RESF1: variants seen among roughly 807,000 people sequenced by gnomAD.
The protein encoded by RESF1 is gonad expressed transcript.
In RESF1, 65 loss-of-function variants were observed where a neutral mutation model predicts 134.7. That is an observed-to-expected ratio of 0.48 (90% CI 0.40 to 0.59). The LOEUF (loss-of-function observed/expected upper bound fraction) is 0.59. Ranked by LOEUF, RESF1 falls within the 20% of genes least tolerant of loss-of-function variation. The pLI, the probability that RESF1 is intolerant of heterozygous loss-of-function variation, is 0.00. For synonymous variants in RESF1, 762 were observed against 702.2 expected, an observed-to-expected ratio of 1.09 and a Z score of -1.35; for missense variants, 2,274 against 2,002.7, an observed-to-expected ratio of 1.14 and a Z score of -2.59.
intron 5 of RESF1, among the ~76,000 whole-genome samples, chr12:31,989,792 C>T (rs1220317975): frequency 6.6e-6 from 1 of 152,046 alleles, no homozygotes; most frequent in Non-Finnish European, 1.5e-5. Flanking sequence ...GCGGAGGTTC[C>T]AGTGAGCTGA....
rs749100105 is a variant in RESF1 at position 31,981,946 on chromosome 12, G to A, written c.991G>A (p.Val331Ile). 14 of 1,614,074 alleles carry A rather than the reference G, an allele frequency of 8.7e-6. No individual in the cohort carries two copies. The Admixed American group carries it at 2.2e-4, about 25-fold the overall frequency. Residue 331 changes from valine (V) to isoleucine (I), a missense_variant, in exon 4 of 6, where the codon GTC becomes ATC. Transcript: ENST00000312561. ...GCAGTGGCAAAACCCTAATGAAAATGTCAGCACAATTGGAAATTTCACTAA... is the reference window on the plus strand; with the variant it reads ...GCAGTGGCAAAACCCTAATGAAAATATCAGCACAATTGGAAATTTCACTAA... Reference protein sequence around the residue: ...QQQWQNPNENVSTIGNFTNLK... With the variant: ...QQQWQNPNENISTIGNFTNLK...
Position 31,967,908 on chromosome 12 carries a change from G to A in RESF1, c.-246-2281G>A, listed in dbSNP as rs142744308. On this transcript the variant is annotated intron_variant, in intron 2 of 5. Transcript: ENST00000312561. ...TTGTATTGTGGTCCAGGACCATCTG[G>A]GCTTAGAAAAATGGATTCTAGAAAG... Among the ~76,000 whole-genome samples the A allele has an allele frequency of 1.8e-3, 269 of 152,196 alleles. 1 individual carries two copies. In the East Asian group the frequency reaches 0.033, roughly 18 times the overall value.
rs544563907 is a variant in RESF1 at position 31,982,315 on chromosome 12, G to A, written c.1360G>A (p.Gly454Arg). 6.2e-7 allele frequency: 1 copy of A among 1,614,060 alleles called. No homozygotes were observed. Among genetic ancestry groups the A allele is most frequent in the African/African-American group, 1.3e-5 (1 of 75,018 alleles). ...AAAACAAACTGCCAAAATCCAGTCT[G>A]GACCCCAGATAACTCCAGTAATGCC... Reference protein sequence around the residue: ...SLKQTAKIQSGPQITPVMPEN... With the variant: ...SLKQTAKIQSRPQITPVMPEN... The change falls in exon 4 of 6, where the codon GGA (glycine) becomes AGA (arginine). Residue 454 changes from glycine to arginine, a missense_variant. By Grantham distance (125) the Gly-to-Arg change is moderately radical (BLOSUM62 -2). Transcript: ENST00000312561.
intron 3 of RESF1, among the ~76,000 whole-genome samples, chr12:31,970,986 C>G (rs758258258): frequency 3.3e-5 from 5 of 152,178 alleles, no homozygotes; most frequent in Non-Finnish European, 7.3e-5. Context: ...AAACCTTTAT[C>G]AGATTATTTC....
At chr12:31,966,659 T>C (rs1939403396) in intron 2 of RESF1, among the ~76,000 whole-genome samples, 1 of 152,248 alleles carries the variant, frequency 6.6e-6, no homozygotes, top group South Asian at 2.1e-4. Context: ...CTGGTGAAGC[T>C]TGGTAGTTGG....
chr12:31,984,850 T>C lies in RESF1; in HGVS notation c.3895T>C (p.Phe1299Leu). ...AAATCACAAAAGAAAAAAATTGAGGTTTCACGAGGTAACCTTTCACTCCAG... is the reference window on the plus strand; with the variant it reads ...AAATCACAAAAGAAAAAAATTGAGGCTTCACGAGGTAACCTTTCACTCCAG... Reference protein sequence around the residue: ...LQNHKRKKLRFHEVTFHSSNK... With the variant: ...LQNHKRKKLRLHEVTFHSSNK... The change falls in exon 4 of 6, where the codon TTT becomes CTT. Residue 1299 changes from phenylalanine (F) to leucine (L), a missense_variant. Coordinates refer to ENST00000312561, the MANE Select transcript of RESF1 (RefSeq NM_018169.4). The C allele has an allele frequency of 1.2e-6, 2 of 1,602,598 alleles. No homozygotes were observed. Among genetic ancestry groups the C allele is most frequent in the South Asian group, 1.1e-5 (1 of 88,040 alleles).
intron 3 of RESF1, among the ~76,000 whole-genome samples, chr12:31,978,974 G>T (rs1434047611): frequency 1.4e-5 from 2 of 147,208 alleles, no homozygotes; most frequent in African/African-American, 2.5e-5. Flanking sequence ...AGGCTGGAGT[G>T]CAGTGGCGCC....
intron 3 of RESF1, among the ~76,000 whole-genome samples, chr12:31,973,348 G>C (rs1939556871): frequency 6.6e-6 from 1 of 151,026 alleles, no homozygotes; most frequent in Non-Finnish European, 1.5e-5. Context: ...ACTCTCTGTT[G>C]CCCAGGCTGG....
rs1037943446 is a variant in RESF1, at chr12:31,986,748, G to A, written c.5003-491G>A. 6.6e-5 allele frequency among the ~76,000 whole-genome samples: 10 copies of A among 152,054 alleles called. No individual in the cohort carries two copies. In the South Asian group the frequency reaches 1.4e-3, roughly 22 times the overall value. On this transcript the variant is annotated intron_variant, in intron 4 of 5. Transcript: ENST00000312561. The stretch of plus-strand genomic sequence containing the variant: ...GATTGGAAAACTAAAGGATTTGAAT[G>A]GAAATTGAAGTCTTTGCTCTGCTTT...
Position 31,981,552 on chromosome 12 carries a change from A to G in RESF1, c.597A>G (p.Gln199=). Residue 199 remains glutamine, a synonymous_variant, in exon 4 of 6, where the codon CAA becomes CAG. Transcript: ENST00000312561. ...CAGAGCAACAGGTTGATTGGACACAACAGTGTATATCTAAGGGACTGACTT... is the reference window on the plus strand; with the variant it reads ...CAGAGCAACAGGTTGATTGGACACAGCAGTGTATATCTAAGGGACTGACTT... The part of the protein sequence containing the change: ...SFSEQQVDWT[Q]QCISKGLTYP... 6.2e-7 allele frequency: 1 copy of G among 1,614,124 alleles called. No individual in the cohort carries two copies. The highest frequency in any genetic ancestry group is 8.5e-7 in the Non-Finnish European group (1 of 1,179,960).
At chr12:31,992,331 C>T in intron 5 of RESF1, 47 bp from the exon 6 acceptor site, 1 of 1,479,964 alleles carries the variant, frequency 6.8e-7, no homozygotes, top group Non-Finnish European at 9.3e-7. Context: ...ATATTGATCA[C>T]AGCTAACATT....
At chr12:31,977,801 C>CTT (rs3075963) in intron 3 of RESF1, among the ~76,000 whole-genome samples, 9,687 of 123,754 alleles carry the variant, frequency 0.078, 523 homozygotes, top group East Asian at 0.18. Context: ...TTCTTTCTTT[C>CTT]TTTTTTTTTT....
At chr12:31,978,545 T>A (rs1939691028) in intron 3 of RESF1, among the ~76,000 whole-genome samples, 1 of 150,562 alleles carries the variant, frequency 6.6e-6, no homozygotes, top group Admixed American at 6.6e-5. Context: ...GGTTTTTTTT[T>A]GTTTTTTGTT....
intron 3 of RESF1, among the ~76,000 whole-genome samples, chr12:31,975,011 A>G (rs907158863): frequency 6.6e-6 from 1 of 150,928 alleles, no homozygotes; most frequent in Non-Finnish European, 1.5e-5. Flanking sequence ...ATGGTGGTTC[A>G]CGCCTGTAAT....
chr12:31,985,593 T>C lies in RESF1; in HGVS notation c.4638T>C (p.Asp1546=), dbSNP rs2120887972. The change falls in exon 4 of 6, where the codon GAT becomes GAC. Residue 1546 remains aspartate (D), a synonymous_variant. Coordinates refer to ENST00000312561, the MANE Select transcript of RESF1 (RefSeq NM_018169.4). ...AAAAAGTTGGTGGGAAGCAGCCTGA[T>C]AAAATATGGATTGATAAGACTAAAT... ...VKEKVGGKQP[D]KIWIDKTKLD... is the part of the protein sequence containing the mutation. 1 of 1,603,894 alleles carries C rather than the reference T, an allele frequency of 6.2e-7. No individual in the cohort carries two copies. The highest frequency in any genetic ancestry group is 2.2e-5 in the East Asian group (1 of 44,858).
intron 2 of RESF1, among the ~76,000 whole-genome samples, chr12:31,969,618 A>G (rs867238875): frequency 6.6e-6 from 1 of 152,152 alleles, no homozygotes; most frequent in African/African-American, 2.4e-5. Context: ...TCACAATATT[A>G]GGTTCATTTT....
rs1342014595 is a variant in RESF1 at position 31,985,217 on chromosome 12, A to G, written c.4262A>G (p.Lys1421Arg). The part of the protein sequence containing the change: ...LSNPNERAIV[K>R]EKMVSNTKSV... Reference sequence around the variant, plus strand: ...AACCCAAACGAAAGAGCCATTGTTAAAGAAAAGATGGTATCAAATACTAAG... The same window carrying G: ...AACCCAAACGAAAGAGCCATTGTTAGAGAAAAGATGGTATCAAATACTAAG... Residue 1421 changes from lysine to arginine, a missense_variant, in exon 4 of 6, where the codon AAA (lysine) becomes AGA (arginine). Coordinates refer to ENST00000312561, the MANE Select transcript of RESF1 (RefSeq NM_018169.4). 1 of 1,585,808 alleles carries G rather than the reference A, an allele frequency of 6.3e-7. No homozygotes were observed. Among genetic ancestry groups the G allele is most frequent in the East Asian group, 2.2e-5 (1 of 44,726 alleles).
intron 2 of RESF1, among the ~76,000 whole-genome samples, chr12:31,964,152 TGTTTGGGGGTACGTGTGTAG>T (rs372658802): frequency 5.9e-5 from 9 of 152,300 alleles, no homozygotes; most frequent in African/African-American, 2.2e-4. Flanking sequence ...TTTTGTTTTA[TGTTTGGGGGTACGTGTGTAG>T]GTTTGGGGGT....
chr12:31,984,719 G>A lies in RESF1; in HGVS notation c.3764G>A (p.Ser1255Asn), dbSNP rs1354348968. 1 of 1,603,830 alleles carries A rather than the reference G, an allele frequency of 6.2e-7. No homozygotes were observed. Among genetic ancestry groups the A allele is most frequent in the African/African-American group, 1.3e-5 (1 of 74,116 alleles). ...CATTTTCCTGAACTACAAGACGACA[G>A]TAGAAAAGATACACCCAAAACAAAA... Reference protein sequence around the residue: ...KSHFPELQDDSRKDTPKTKHK... With the variant: ...KSHFPELQDDNRKDTPKTKHK... The change falls in exon 4 of 6, where the codon AGT becomes AAT. Residue 1255 changes from serine (S) to asparagine (N), a missense_variant. Transcript: ENST00000312561.
Sources: gnomAD v4.1 joint callset for allele counts (sites outside exome capture counted in the v4.1 genomes callset) on GRCh38, gnomAD v4.1.1 for gene constraint, MANE v1.5 for transcripts, NCBI Gene and HGNC (gene_info 2026-07-23, HGNC 2026-07-21) for gene names.